The following ACSBG2 variants were observed in gnomAD, a reference collection of about 807,000 sequenced individuals.
ACSBG2 encodes the protein long-chain-fatty-acid--CoA ligase ACSBG2.
In ACSBG2, 62 loss-of-function variants were observed where a neutral mutation model predicts 74.7. The ratio of observed to expected loss-of-function variants is 0.83; its 90% CI spans 0.68 to 1.03. The LOEUF is 1.03. ACSBG2 is among the 50% of genes least tolerant of loss of function. The pLI is 0.00. For missense variants in ACSBG2, 730 were observed against 817.6 expected (o/e 0.89, Z 1.31); for synonymous variants, 309 against 294.1 (o/e 1.05, Z -0.52).
rs750313566 is a variant in ACSBG2 at position 6,187,382 on chromosome 19, G to A, written c.1640G>A (p.Gly547Glu). ...IPIISNAMLVGDKLKFLSMLL... is the reference protein window; with the variant it reads ...IPIISNAMLVEDKLKFLSMLL... ...ATCATCAGTAACGCCATGTTAGTAG[G>A]AGATAAACTGAAGTTTCTGAGCATG... Residue 547 changes from glycine (G) to glutamate (E), a missense_variant, in exon 12 of 15, where the codon GGA (glycine) becomes GAA (glutamate). Physicochemically the swap from Gly to Glu is moderately conservative, Grantham distance 98 (BLOSUM62 -2). Transcript: ENST00000588485. 1 of 1,614,142 alleles carries A rather than the reference G, an allele frequency of 6.2e-7. No homozygotes were observed. The highest frequency in any genetic ancestry group is 8.5e-7 in the Non-Finnish European group (1 of 1,180,048).
chr19:6,147,161 G>A (rs151181199), intron 2 of ACSBG2, among the ~76,000 whole-genome samples: 1 of 152,244 alleles, frequency 6.6e-6, no homozygotes, highest in East Asian at 1.9e-4. Context: ...ATAGATGTGT[G>A]ATAAAATATG....
chr19:6,176,323 TG>T, intron 7 of ACSBG2: 1 of 1,415,558 alleles, frequency 7.1e-7, no homozygotes, highest in South Asian at 1.9e-5. Flanking sequence ...CCAATCTTTA[TG>T]GGTACCCAGA....
chr19:6,177,274 G>C lies in ACSBG2; in HGVS notation c.784G>C (p.Asp262His). Residue 262 changes from aspartate (D) to histidine (H), a missense_variant, in exon 8 of 15, where the codon GAC (aspartate) becomes CAC (histidine). Coordinates refer to ENST00000588485, the MANE Select transcript of ACSBG2 (RefSeq NM_030924.5). ...AGTGACAAAGGACTTTAAACTGACA[G>C]ACAAGCATGAGACGGTGGTTAGCTA... ...GAVTKDFKLTDKHETVVSYLP... is the reference protein window; with the variant it reads ...GAVTKDFKLTHKHETVVSYLP... 6.2e-7 allele frequency: 1 copy of C among 1,614,146 alleles called. No homozygotes were observed. The highest frequency in any genetic ancestry group is 2.2e-5 in the East Asian group (1 of 44,886).
intron 2 of ACSBG2, among the ~76,000 whole-genome samples, chr19:6,145,189 G>A (rs2088984374): frequency 6.6e-6 from 1 of 151,998 alleles, no homozygotes; most frequent in African/African-American, 2.4e-5. Flanking sequence ...ACAAGGTGAG[G>A]AGATCGAGAC....
intron 7 of ACSBG2, among the ~76,000 whole-genome samples, chr19:6,167,986 C>G (rs2089859378): frequency 6.7e-6 from 1 of 149,826 alleles, no homozygotes; most frequent in South Asian, 2.1e-4. Context: ...CACCCCCACC[C>G]CCAGTCTATC....
At chr19:6,138,327 G>A (rs2088659505) in intron 1 of ACSBG2, among the ~76,000 whole-genome samples, 1 of 151,962 alleles carries the variant, frequency 6.6e-6, no homozygotes, top group South Asian at 2.1e-4. Context: ...CAATGCGCCT[G>A]GGTGATGGGC....
intron 8 of ACSBG2, among the ~76,000 whole-genome samples, chr19:6,178,645 G>A (rs1450295499): frequency 6.6e-6 from 1 of 152,134 alleles, no homozygotes; most frequent in East Asian, 1.9e-4. Context: ...AAAGTGCTGG[G>A]ATTACAGGCA....
intron 5 of ACSBG2, among the ~76,000 whole-genome samples, chr19:6,157,393 C>CA (rs1312217498): frequency 6.6e-6 from 1 of 152,018 alleles, no homozygotes; most frequent in Non-Finnish European, 1.5e-5. Context: ...CCATCTCTAC[C>CA]AAAAAATACA....
Position 6,192,323 on chromosome 19 carries a change from A to G in ACSBG2, c.*36-345A>G, listed in dbSNP as rs1289186216. ...GTTTTTGTAGAGATGAGGTATTTCT[A>G]TGTTGCCCAGGTTGGTCTCAAACTC... On this transcript the variant is annotated intron_variant, in intron 14 of 14. Transcript: ENST00000588485. Among the ~76,000 whole-genome samples the G allele has an allele frequency of 2.6e-5, 4 of 152,138 alleles. No homozygotes were observed. The South Asian group carries it at 6.2e-4, about 24-fold the overall frequency.
intron 10 of ACSBG2, among the ~76,000 whole-genome samples, chr19:6,184,155 TCTGC>T (rs1367207590): frequency 6.6e-6 from 1 of 152,226 alleles, no homozygotes; most frequent in Admixed American, 6.5e-5. Flanking sequence ...GTCCATATTA[TCTGC>T]CTGTTTTAAA....
intron 14 of ACSBG2, chr19:6,192,140 A>C (rs912062912): frequency 6.6e-6 from 1 of 150,914 alleles, no homozygotes; most frequent in African/African-American, 2.5e-5. Flanking sequence ...TTTTGATTAC[A>C]TGTTGAGATG....
chr19:6,184,857 A>ACAAACAAACAAAC (rs1568254685), intron 10 of ACSBG2, among the ~76,000 whole-genome samples: 14 of 143,722 alleles, frequency 9.7e-5, no homozygotes, highest in African/African-American at 3.6e-4. Flanking sequence ...AAAAAAAAAA[A>ACAAACAAACAAAC]AAAAAAAAAA....
chr19:6,166,128 A>G, intron 7 of ACSBG2, 113 bp downstream of exon 7: 1 of 1,346,828 alleles, frequency 7.4e-7, no homozygotes. Flanking sequence ...CTCCTTCACC[A>G]TTGGGGGTTA....
At chr19:6,139,627 T>C (rs1043870938) in intron 1 of ACSBG2, among the ~76,000 whole-genome samples, 8 of 152,206 alleles carry the variant, frequency 5.3e-5, no homozygotes, top group African/African-American at 1.9e-4. Flanking sequence ...AAGCACGCTC[T>C]TTATCATGAA....
intron 7 of ACSBG2, chr19:6,176,430 G>T: frequency 1.4e-6 from 2 of 1,432,944 alleles, no homozygotes; most frequent in Non-Finnish European, 1.9e-6. Context: ...CACTGCTCCT[G>T]CCATCCACGT....
In ACSBG2 at chr19:6,174,081, C is replaced by T. The variant is rs1404539761; in HGVS notation, c.739-3148C>T. 1.3e-5 allele frequency among the ~76,000 whole-genome samples: 2 copies of T among 152,104 alleles called. No homozygotes were observed. Among genetic ancestry groups the T allele is most frequent in the African/African-American group, 4.8e-5 (2 of 41,404 alleles). Reference sequence around the variant, plus strand: ...CCTCCTGAGTAGCAGGGATTACAGACGTGTGCCAACACACCCATCTAATTT... The same window carrying T: ...CCTCCTGAGTAGCAGGGATTACAGATGTGTGCCAACACACCCATCTAATTT... On this transcript the variant is annotated intron_variant, in intron 7 of 14. Coordinates refer to ENST00000588485, the MANE Select transcript of ACSBG2 (RefSeq NM_030924.5). This position sits in a 1 kb window ranked among gnomAD's most constrained non-coding sequence, Gnocchi z 4.2.
chr19:6,142,765 A>AAT (rs2088893827), intron 2 of ACSBG2, among the ~76,000 whole-genome samples: 1 of 151,482 alleles, frequency 6.6e-6, no homozygotes, highest in South Asian at 2.1e-4. Flanking sequence ...AAAAAAAAAA[A>AAT]AAATAGTGAA....
In ACSBG2 at chr19:6,180,103, C is replaced by CTCTCTGACTCTGA. The variant is rs2090203883; in HGVS notation, c.907-2648_907-2647insTCTCTGACTCTGA. Reference sequence around the variant, plus strand: ...CACAGCCAGCAGTGCAGCCTCTTCCCCTCTCCTGCTTCCCTCTTATAAGGA... The same window carrying CTCTCTGACTCTGA: ...CACAGCCAGCAGTGCAGCCTCTTCCCTCTCTGACTCTGACTCTCCTGCTTCCCTCTTATAAGGA... On this transcript the variant is annotated intron_variant, in intron 8 of 14. Transcript: ENST00000588485. The surrounding 1 kb of genome is among the most constrained non-coding windows in gnomAD (Gnocchi z 4.3). Among the ~76,000 whole-genome samples the CTCTCTGACTCTGA allele has an allele frequency of 6.6e-6, 1 of 151,900 alleles. No homozygotes were observed. Among genetic ancestry groups the CTCTCTGACTCTGA allele is most frequent in the African/African-American group, 2.4e-5 (1 of 41,256 alleles).
chr19:6,176,916 G>A (rs2090102871), intron 7 of ACSBG2, among the ~76,000 whole-genome samples: 1 of 152,068 alleles, frequency 6.6e-6, no homozygotes, highest in Non-Finnish European at 1.5e-5. Context: ...TAGCACTTTG[G>A]GAGGCTGAGG....
Sources: allele counts gnomAD v4.1 joint callset (sites outside exome capture counted in the v4.1 genomes callset), GRCh38; gene constraint gnomAD v4.1.1; non-coding constraint Gnocchi (gnomAD v3.1); transcripts MANE v1.5; gene names NCBI Gene and HGNC (gene_info 2026-07-23, HGNC 2026-07-21).